The following RALYL variants were observed in gnomAD, a reference collection of about 807,000 sequenced individuals.
The protein encoded by RALYL is RALY RNA binding protein like.
A neutral mutation model predicts 35.1 loss-of-function variants in RALYL; 29 were observed. The ratio of observed to expected loss-of-function variants is 0.83; its 90% confidence interval spans 0.61 to 1.13. The LOEUF (loss-of-function observed/expected upper bound fraction) is 1.13, where lower values mean the gene tolerates loss of function less well. Ranked by LOEUF, RALYL falls within the 50% of genes most tolerant of loss-of-function variation. The probability of loss-of-function intolerance (pLI) is 0.00; values close to 1 mark genes in which losing one functional copy is unlikely to be tolerated. For missense variants in RALYL, 359 were observed against 360.4 expected (o/e 1.00, Z 0.03); for synonymous variants, 120 against 127.6 (o/e 0.94, Z 0.40).
intron 1 of RALYL, among the ~76,000 whole-genome samples, chr8:84,251,700 G>A (rs187340631): frequency 1.1e-4 from 17 of 152,086 alleles, no homozygotes; most frequent in African/African-American, 3.9e-4. Flanking sequence ...GAAAATATTT[G>A]TATTTTAATA....
At chr8:84,328,503 A>G (rs1301238854) in intron 1 of RALYL, among the ~76,000 whole-genome samples, 1 of 152,226 alleles carries the variant, frequency 6.6e-6, no homozygotes, top group Admixed American at 6.5e-5. Flanking sequence ...ATATTTGTAG[A>G]TACAGAAAAA....
intron 2 of RALYL, among the ~76,000 whole-genome samples, chr8:84,549,299 T>C (rs1407829830): frequency 1.3e-5 from 2 of 152,212 alleles, no homozygotes; most frequent in Non-Finnish European, 2.9e-5. Flanking sequence ...TGTGATAGTG[T>C]GAGCTAGAAA....
At chr8:84,629,566 A>T (rs1416616649) in intron 2 of RALYL, among the ~76,000 whole-genome samples, 1 of 152,052 alleles carries the variant, frequency 6.6e-6, no homozygotes, top group Non-Finnish European at 1.5e-5. Flanking sequence ...TAAGCAAACA[A>T]TGAAAATGGT....
At chr8:84,671,361 G>A (rs1464035928) in intron 2 of RALYL, among the ~76,000 whole-genome samples, 4 of 152,158 alleles carry the variant, frequency 2.6e-5, no homozygotes, top group Admixed American at 6.5e-5. Context: ...GGGGTCTGGA[G>A]GATGGGGGCC....
At chr8:84,829,919 T>C (rs186041856) in intron 4 of RALYL, among the ~76,000 whole-genome samples, 2 of 148,450 alleles carry the variant, frequency 1.3e-5, no homozygotes, top group Admixed American at 1.4e-4. Flanking sequence ...AACATCGAAC[T>C]CACAGCCAGC....
intron 2 of RALYL, among the ~76,000 whole-genome samples, chr8:84,754,254 TA>T (rs11285717): frequency 0.071 from 10,176 of 144,300 alleles, 540 homozygotes; most frequent in African/African-American, 0.15. Context: ...AGTATAATAA[TA>T]AAAAAAAAAA....
chr8:84,700,298 A>G (rs967806527), intron 2 of RALYL, among the ~76,000 whole-genome samples: 14 of 152,164 alleles, frequency 9.2e-5, no homozygotes, highest in African/African-American at 3.1e-4. Flanking sequence ...ACTGTTTAAT[A>G]CATGTAAGTA....
rs139153624 is a variant in RALYL at position 84,889,105 on chromosome 8, A to G, written c.858+1329A>G. Among the ~76,000 whole-genome samples, 949 of 152,260 alleles carry G rather than the reference A, an allele frequency of 6.2e-3. 9 individuals carry two copies. Among genetic ancestry groups the G allele is most frequent in the African/African-American group, 0.022 (895 of 41,542 alleles). ...ACTTTTAACAACCACCCCTATTTCC[A>G]TGAAAGTCTGTATCAGTTTGCAGAA... On this transcript the variant is annotated intron_variant, in intron 8 of 8. Transcript: ENST00000521268.
At chr8:84,415,576 C>A (rs2044609615) in intron 1 of RALYL, among the ~76,000 whole-genome samples, 1 of 152,072 alleles carries the variant, frequency 6.6e-6, no homozygotes, top group Non-Finnish European at 1.5e-5. Context: ...CACCAGTTTC[C>A]TTGCCAGTAT....
chr8:84,424,820 C>A (rs2046150362), intron 1 of RALYL, among the ~76,000 whole-genome samples: 1 of 152,030 alleles, frequency 6.6e-6, no homozygotes, highest in Non-Finnish European at 1.5e-5. Flanking sequence ...TGTGAGGTGT[C>A]AGTGTGCCCC....
At chr8:84,345,303 C>T (rs117401172) in intron 1 of RALYL, among the ~76,000 whole-genome samples, 3,753 of 152,048 alleles carry the variant, frequency 0.025, 97 homozygotes, top group Non-Finnish European at 0.031. Context: ...AAGATAGATG[C>T]TCCCAGGGAG....
intron 2 of RALYL, among the ~76,000 whole-genome samples, chr8:84,748,100 G>T (rs1262191085): frequency 1.3e-5 from 2 of 151,940 alleles, no homozygotes; most frequent in African/African-American, 2.4e-5. Flanking sequence ...TTCTTAGGTT[G>T]CAGGTATATT....
chr8:84,438,512 A>G (rs1264757827), intron 1 of RALYL, among the ~76,000 whole-genome samples: 1 of 152,020 alleles, frequency 6.6e-6, no homozygotes, highest in African/African-American at 2.4e-5. Context: ...CCTCAGCCTC[A>G]TAATTAGATG....
intron 3 of RALYL, among the ~76,000 whole-genome samples, chr8:84,797,087 G>T (rs1822109258): frequency 1.3e-5 from 2 of 152,186 alleles, no homozygotes; most frequent in African/African-American, 4.8e-5. Context: ...CAGTTCTAGA[G>T]ACTGAGAAGT....
At chr8:84,287,687 T>C (rs1231148477) in intron 1 of RALYL, among the ~76,000 whole-genome samples, 9 of 152,044 alleles carry the variant, frequency 5.9e-5, no homozygotes, top group African/African-American at 2.2e-4. Context: ...TGTGGACACA[T>C]GGGAGTAAGA....
chr8:84,371,263 C>G (rs16912724), intron 1 of RALYL, among the ~76,000 whole-genome samples: 2 of 151,896 alleles, frequency 1.3e-5, no homozygotes, highest in Middle Eastern at 3.2e-3. Context: ...TATTATTTTA[C>G]TTTTCACTAT....
chr8:84,324,563 C>T (rs993025761), intron 1 of RALYL, among the ~76,000 whole-genome samples: 1 of 151,428 alleles, frequency 6.6e-6, no homozygotes, highest in Non-Finnish European at 1.5e-5. Context: ...CTTTCAGTTC[C>T]CTGTTTATAT....
chr8:84,575,398 A>G (rs1411052111), intron 2 of RALYL, among the ~76,000 whole-genome samples: 1 of 152,224 alleles, frequency 6.6e-6, no homozygotes, highest in Non-Finnish European at 1.5e-5. Context: ...TAAAAGCAGT[A>G]TAAATCTTTT....
intron 1 of RALYL, among the ~76,000 whole-genome samples, chr8:84,203,549 A>G (rs1817399014): frequency 6.6e-6 from 1 of 152,160 alleles, no homozygotes; most frequent in South Asian, 2.1e-4. Context: ...CAACAATTTT[A>G]CAGAATAATT....
Sources: allele counts gnomAD v4.1 joint callset (sites outside exome capture counted in the v4.1 genomes callset), GRCh38; gene constraint gnomAD v4.1.1; transcripts MANE v1.5; gene names NCBI Gene and HGNC (gene_info 2026-07-23, HGNC 2026-07-21).